Variants in DMGDH observed in about 807,000 individuals in gnomAD.
DMGDH encodes dimethylglycine dehydrogenase, mitochondrial.
A neutral mutation model predicts 95.2 loss-of-function variants in DMGDH; 76 were observed. That is an observed-to-expected ratio of 0.80 (90% CI 0.66 to 0.97). DMGDH has a LOEUF of 0.97. Among genes scored for constraint, DMGDH ranks in the 50% least tolerant of loss-of-function variants. The probability of loss-of-function intolerance (pLI) is 0.00; values close to 1 mark genes in which losing one functional copy is unlikely to be tolerated. For missense variants in DMGDH, 987 were observed against 1,055.0 expected (o/e 0.94, Z 0.89); for synonymous variants, 345 against 377.6 (o/e 0.91, Z 1.00).
chr5:79,042,327 CCCCACCAT>C lies in DMGDH; in HGVS notation c.1141_1148del (p.Met381AlafsTer30), dbSNP rs1290912669. 6 of 1,614,216 alleles carry C rather than the reference CCCCACCAT, an allele frequency of 3.7e-6. No individual in the cohort carries two copies. The highest frequency in any genetic ancestry group is 5.1e-6 in the Non-Finnish European group (6 of 1,180,026). ...AGTAGTTTCTGACCCCCTGATGGGG[CCCCACCAT>C]AGGCAGAATGTCAGGAGAATACGTG... On this transcript the variant is annotated frameshift_variant, in exon 7 of 16. Coordinates refer to ENST00000255189, the MANE Select transcript of DMGDH (RefSeq NM_013391.3). LOFTEE classifies it high-confidence loss of function.
chr5:79,058,805 AGAAGGAAT>A (rs1273437424), intron 2 of DMGDH, among the ~76,000 whole-genome samples: 1 of 152,238 alleles, frequency 6.6e-6, no homozygotes, highest in African/African-American at 2.4e-5. Flanking sequence ...TTAATAAGAT[AGAAGGAAT>A]GATGGAGTTA....
In DMGDH at chr5:78,998,199, T is replaced by C. The variant is rs888018073; in HGVS notation, c.2484A>G (p.Gln828=). 3.7e-6 allele frequency: 6 copies of C among 1,614,220 alleles called. No homozygotes were observed. Among genetic ancestry groups the C allele is most frequent in the Non-Finnish European group, 5.1e-6 (6 of 1,180,032 alleles). ...TTTTGCCTAATAGTTCAACTTCCAC[T>C]TGCTGTCCCACTTCACTTAGTTGTA... The part of the protein sequence containing the change: ...VPVQLSEVGQ[Q]VEVELLGKNY... Residue 828 remains glutamine, a synonymous_variant, in exon 16 of 16, where the codon CAA becomes CAG. Coordinates refer to ENST00000255189, the MANE Select transcript of DMGDH (RefSeq NM_013391.3).
chr5:79,013,551 T>G (rs1580186762), intron 14 of DMGDH, among the ~76,000 whole-genome samples: 1 of 152,210 alleles, frequency 6.6e-6, no homozygotes, highest in East Asian at 1.9e-4. Flanking sequence ...AATATCCCAC[T>G]CCTCTGTACC....
intron 15 of DMGDH, among the ~76,000 whole-genome samples, chr5:79,004,856 T>C (rs1753517872): frequency 6.6e-6 from 1 of 152,188 alleles, no homozygotes; most frequent in South Asian, 2.1e-4. Context: ...TTCATCTGGA[T>C]TTTTTCTCTG....
intron 9 of DMGDH, 128 bp downstream of exon 9, chr5:79,032,559 T>C (rs1561216919): frequency 3.0e-6 from 4 of 1,335,170 alleles, no homozygotes; most frequent in East Asian, 4.6e-5. Flanking sequence ...GTAATTTTTG[T>C]AGGACAAAGC....
At chr5:79,051,213 C>G in intron 5 of DMGDH, 74 bp downstream of exon 5, 1 of 1,485,104 alleles carries the variant, frequency 6.7e-7, no homozygotes, top group Non-Finnish European at 9.4e-7. Context: ...GTCCATCGTA[C>G]GAAACATTAC....
At chr5:79,042,532 C>T in intron 6 of DMGDH, 51 bp from the exon 7 acceptor site, 1 of 1,573,172 alleles carries the variant, frequency 6.4e-7, no homozygotes, top group Non-Finnish European at 8.8e-7. Context: ...GCTGACAAGT[C>T]CTGTAAAGTG....
chr5:79,037,304 C>T (rs772445196), intron 7 of DMGDH, among the ~76,000 whole-genome samples: 15 of 152,172 alleles, frequency 9.9e-5, no homozygotes, highest in Non-Finnish European at 2.1e-4. Context: ...ATGTGACTAA[C>T]CACATGGTCA....
intron 11 of DMGDH, 37 bp from the exon 12 acceptor site, chr5:79,028,687 T>C: frequency 6.3e-7 from 1 of 1,593,228 alleles, no homozygotes; most frequent in African/African-American, 1.3e-5. Context: ...TAAATATTGC[T>C]TGAATAATGT....
At chr5:79,042,564 T>C in intron 6 of DMGDH, 83 bp from the exon 7 acceptor site, 1 of 1,363,074 alleles carries the variant, frequency 7.3e-7, no homozygotes, top group Non-Finnish European at 1.0e-6. Flanking sequence ...TGACATGGCC[T>C]ACATTTAAAG....
chr5:79,000,226 C>T (rs944343757), intron 15 of DMGDH: 4 of 624,580 alleles, frequency 6.4e-6, no homozygotes, highest in African/African-American at 3.7e-5. Context: ...CTACAGAATC[C>T]CTCCATACCA....
intron 15 of DMGDH, among the ~76,000 whole-genome samples, chr5:78,999,859 T>C (rs1215541801): frequency 6.6e-6 from 1 of 151,672 alleles, no homozygotes; most frequent in Non-Finnish European, 1.5e-5. Context: ...AGAATTTTAA[T>C]CATTGCTTTT....
chr5:78,998,360 G>C (rs955413223), intron 15 of DMGDH, 63 bp from the exon 16 acceptor site: 1 of 1,511,366 alleles, frequency 6.6e-7, no homozygotes. Flanking sequence ...CTCATCTCTG[G>C]GTGAAAAAAA....
chr5:79,021,479 G>C, intron 14 of DMGDH: 1 of 1,245,614 alleles, frequency 8.0e-7, no homozygotes, highest in Non-Finnish European at 1.0e-6. Flanking sequence ...GAAGGAGGCT[G>C]GAACAACTCC....
intron 2 of DMGDH, among the ~76,000 whole-genome samples, chr5:79,061,687 A>C (rs1426374814): frequency 6.6e-6 from 1 of 152,160 alleles, no homozygotes; most frequent in East Asian, 1.9e-4. Flanking sequence ...TGGGAGGTTG[A>C]GGCTGGAGGA....
At position 78,998,178 on chromosome 5, in the gene DMGDH, G is replaced by C. The variant is rs776065530; in HGVS notation, c.2505C>G (p.Gly835=). 6.2e-7 allele frequency: 1 copy of C among 1,614,064 alleles called. No individual in the cohort carries two copies. The highest frequency in any genetic ancestry group is 8.5e-7 in the Non-Finnish European group (1 of 1,180,002). Residue 835 remains glycine, a synonymous_variant, in exon 16 of 16, where the codon GGC becomes GGG. Coordinates refer to ENST00000255189, the MANE Select transcript of DMGDH (RefSeq NM_013391.3). ...VGQQVEVELL[G]KNYPAVIIQE... ...GTATGATGACTGCTGGGTAATTTTT[G>C]CCTAATAGTTCAACTTCCACTTGCT...
intron 5 of DMGDH, among the ~76,000 whole-genome samples, chr5:79,049,314 T>G (rs942381145): frequency 3.3e-5 from 5 of 152,256 alleles, no homozygotes; most frequent in African/African-American, 1.2e-4. Context: ...TATGTACATA[T>G]GTTTATCCAT....
At chr5:79,065,721 T>C (rs558563152) in intron 1 of DMGDH, among the ~76,000 whole-genome samples, 106 of 152,372 alleles carry the variant, frequency 7.0e-4, no homozygotes, top group Non-Finnish European at 1.2e-3. Context: ...TAATTGCATG[T>C]GCTATAGCTT....
intron 8 of DMGDH, 106 bp from the exon 9 acceptor site, chr5:79,032,946 A>T: frequency 7.6e-7 from 1 of 1,313,192 alleles, no homozygotes; most frequent in Non-Finnish European, 1.1e-6. Flanking sequence ...CAGATGCATA[A>T]ACATACATAC....
Sources: gnomAD v4.1 joint callset for allele counts (sites outside exome capture counted in the v4.1 genomes callset) on GRCh38, gnomAD v4.1.1 for gene constraint, MANE v1.5 for transcripts, NCBI Gene and HGNC (gene_info 2026-07-23, HGNC 2026-07-21) for gene names.